The following AOPEP variants were observed in gnomAD, a reference collection of about 807,000 sequenced individuals.
AOPEP encodes the protein aminopeptidase O (putative), also known as aminopeptidase O.
In AOPEP, 77 loss-of-function variants were observed where a neutral mutation model predicts 98.1. That is an observed-to-expected ratio of 0.78 (90% CI 0.65 to 0.95). AOPEP has a LOEUF of 0.95. Among genes scored for constraint, AOPEP ranks in the 40% least tolerant of loss-of-function variants. The probability of loss-of-function intolerance (pLI) is 0.00; values close to 1 mark genes in which losing one functional copy is unlikely to be tolerated. For synonymous variants in AOPEP, 346 were observed against 365.3 expected, an observed-to-expected ratio of 0.95 and a Z score of 0.60; for missense variants, 1,024 against 1,024.7, an observed-to-expected ratio of 1.00 and a Z score of 0.01.
intron 11 of AOPEP, among the ~76,000 whole-genome samples, chr9:94,995,473 A>G: frequency 6.6e-6 from 1 of 152,184 alleles, no homozygotes; most frequent in South Asian, 2.1e-4. Context: ...TGCCTAGTCT[A>G]AATTCCCAGC....
chr9:95,031,657 A>G (rs1179773503), intron 13 of AOPEP, among the ~76,000 whole-genome samples: 1 of 152,182 alleles, frequency 6.6e-6, no homozygotes, highest in African/African-American at 2.4e-5. Flanking sequence ...GTAACTGATG[A>G]ATTGCTAAAG....
chr9:95,057,947 C>G (rs953786818), intron 13 of AOPEP, among the ~76,000 whole-genome samples: 1 of 152,204 alleles, frequency 6.6e-6, no homozygotes, highest in Non-Finnish European at 1.5e-5. Context: ...TGCTTCTTAC[C>G]TCTCTCAAAT....
chr9:94,844,654 G>A (rs1463114691), intron 5 of AOPEP, among the ~76,000 whole-genome samples: 1 of 152,120 alleles, frequency 6.6e-6, no homozygotes, highest in Non-Finnish European at 1.5e-5. Context: ...TCCTCCCCAT[G>A]CTGGCATATT....
chr9:94,897,515 G>A lies in AOPEP; in HGVS notation c.1365-26471G>A, dbSNP rs951999401. Among the ~76,000 whole-genome samples the A allele has an allele frequency of 4.6e-5, 7 of 152,228 alleles. No homozygotes were observed. The South Asian group carries it at 1.4e-3, about 32-fold the overall frequency. The stretch of plus-strand genomic sequence containing the variant: ...TTCTTGATATGTGGGAAACTTTTTA[G>A]AGTCAGAAAGTAAAATTCAAAAGCT... On this transcript the variant is annotated intron_variant, in intron 5 of 16. Coordinates refer to ENST00000375315, the MANE Select transcript of AOPEP (RefSeq NM_001193329.3).
chr9:94,884,793 C>T (rs1267735041), intron 5 of AOPEP, among the ~76,000 whole-genome samples: 5 of 151,378 alleles, frequency 3.3e-5, no homozygotes, highest in African/African-American at 7.3e-5. Context: ...GGGCGGATCA[C>T]GAGGTCAGGA....
chr9:94,867,238 T>C (rs888846217), intron 5 of AOPEP, among the ~76,000 whole-genome samples: 1 of 152,266 alleles, frequency 6.6e-6, no homozygotes, highest in Admixed American at 6.5e-5. Flanking sequence ...CAAAATTTTA[T>C]ACAACGCTTA....
chr9:94,856,336 G>A lies in AOPEP; in HGVS notation c.1364+55334G>A, dbSNP rs1010397093. ...TTACTACCCATGAGATCAAGGAGAC[G>A]CCAGGGTAAAAGAGGCAGCAGAAGG... On this transcript the variant is annotated intron_variant, in intron 5 of 16. Coordinates refer to ENST00000375315, the MANE Select transcript of AOPEP (RefSeq NM_001193329.3). Among the ~76,000 whole-genome samples the A allele has an allele frequency of 4.6e-5, 7 of 152,154 alleles. No individual in the cohort carries two copies. In the South Asian group the frequency reaches 6.2e-4, roughly 14 times the overall value.
chr9:94,945,400 C>G (rs1364250382), intron 7 of AOPEP, among the ~76,000 whole-genome samples: 1 of 152,174 alleles, frequency 6.6e-6, no homozygotes, highest in East Asian at 1.9e-4. Flanking sequence ...TAGTTTTTTG[C>G]TTTCATAAAC....
chr9:94,823,132 G>A (rs1009045611), intron 5 of AOPEP, among the ~76,000 whole-genome samples: 1 of 152,132 alleles, frequency 6.6e-6, no homozygotes, highest in Admixed American at 6.6e-5. Context: ...GAGTAGCTGG[G>A]ATTACAGGCA....
chr9:95,105,171 G>C, the AOPEP span, among the ~76,000 whole-genome samples: 1 of 152,214 alleles, frequency 6.6e-6, no homozygotes, highest in African/African-American at 2.4e-5. Context: ...CAGCACCTGG[G>C]AGGCACAGCC....
At chr9:94,855,554 G>A (rs550942583) in intron 5 of AOPEP, among the ~76,000 whole-genome samples, 1 of 152,104 alleles carries the variant, frequency 6.6e-6, no homozygotes, top group Non-Finnish European at 1.5e-5. Flanking sequence ...AGACGTGATG[G>A]CGCATGCCTG....
chr9:94,737,358 C>T (rs1043823341), intron 1 of AOPEP, among the ~76,000 whole-genome samples: 2 of 152,164 alleles, frequency 1.3e-5, no homozygotes, highest in Admixed American at 6.5e-5. Flanking sequence ...AATTCTCTGG[C>T]CTTGGCCTCC....
intron 16 of AOPEP, chr9:95,085,354 G>C (rs1587981949): frequency 2.1e-6 from 1 of 486,898 alleles, no homozygotes; most frequent in Non-Finnish European, 4.3e-6. Context: ...GAGAACAGGT[G>C]CATCTCGTAG....
the AOPEP span, among the ~76,000 whole-genome samples, chr9:95,140,180 C>T: frequency 2.6e-5 from 4 of 152,184 alleles, no homozygotes; most frequent in South Asian, 6.2e-4. Flanking sequence ...ACTATTTTCT[C>T]CTTTAAAATA....
chr9:94,800,274 A>G (rs1847922925), intron 4 of AOPEP, among the ~76,000 whole-genome samples: 1 of 152,178 alleles, frequency 6.6e-6, no homozygotes, highest in African/African-American at 2.4e-5. Flanking sequence ...CATTTGGTTC[A>G]TGGTTCTCCC....
At chr9:95,061,197 G>A (rs181682675) in intron 14 of AOPEP, among the ~76,000 whole-genome samples, 1 of 152,306 alleles carries the variant, frequency 6.6e-6, no homozygotes, top group Non-Finnish European at 1.5e-5. Flanking sequence ...CAGGAAAGGA[G>A]CCATGTGTAA....
At chr9:94,830,417 A>G (rs1184531958) in intron 5 of AOPEP, among the ~76,000 whole-genome samples, 1 of 152,230 alleles carries the variant, frequency 6.6e-6, no homozygotes, top group Non-Finnish European at 1.5e-5. Context: ...TATATGTACC[A>G]CATTTTCTTT....
chr9:94,799,798 G>GT (rs1160809365), intron 4 of AOPEP, among the ~76,000 whole-genome samples: 2 of 151,842 alleles, frequency 1.3e-5, no homozygotes, highest in Non-Finnish European at 2.9e-5. Flanking sequence ...GGAGGTGGAA[G>GT]TTGCAGTGAG....
In AOPEP at chr9:94,760,388, A is replaced by C; in HGVS notation, c.605A>C (p.Gln202Pro). 1 of 1,614,190 alleles carries C rather than the reference A, an allele frequency of 6.2e-7. No individual in the cohort carries two copies. The highest frequency in any genetic ancestry group is 8.5e-7 in the Non-Finnish European group (1 of 1,180,034). ...TTGCCTGCAAATCGTTGGAGGGAGC[A>C]GTTAGACTATTACGCTCGCTGCAGC... ...VTLPANRWRE[Q>P]LDYYARCSQA... Residue 202 changes from glutamine (Q) to proline (P), a missense_variant, in exon 2 of 17, where the codon CAG (glutamine) becomes CCG (proline). Physicochemically the swap from Gln to Pro is moderately conservative, Grantham distance 76. Transcript: ENST00000375315.
Sources: gnomAD v4.1 joint callset for allele counts (sites outside exome capture counted in the v4.1 genomes callset) on GRCh38, gnomAD v4.1.1 for gene constraint, MANE v1.5 for transcripts, NCBI Gene and HGNC (gene_info 2026-07-23, HGNC 2026-07-21) for gene names.